The following MROH2B variants were observed in gnomAD, a reference collection of about 807,000 sequenced individuals.
The protein encoded by MROH2B is maestro heat like repeat family member 2B.
MROH2B carries 177 observed loss-of-function variants against 208.6 expected under a neutral mutation model. The ratio of observed to expected loss-of-function variants is 0.85; its 90% CI spans 0.75 to 0.96. The LOEUF (loss-of-function observed/expected upper bound fraction) is 0.96. MROH2B is among the 40% of genes least tolerant of loss of function. The pLI is 0.00. For synonymous variants in MROH2B, 728 were observed against 659.0 expected (o/e 1.10, Z -1.60); for missense variants, 2,002 against 1,878.7 (o/e 1.07, Z -1.21).
intron 37 of MROH2B, among the ~76,000 whole-genome samples, chr5:41,003,514 T>A (rs181824290): frequency 1.5e-3 from 228 of 152,306 alleles, no homozygotes; most frequent in African/African-American, 5.3e-3. Flanking sequence ...TAATATATCC[T>A]TAGATTCTAT....
intron 21 of MROH2B, among the ~76,000 whole-genome samples, chr5:41,037,307 T>C (rs1742797717): frequency 6.6e-6 from 1 of 152,214 alleles, no homozygotes; most frequent in African/African-American, 2.4e-5. Context: ...TCTCTAATGA[T>C]TGACCATAAA....
In MROH2B at chr5:41,071,015, C is replaced by T; in HGVS notation, c.-163G>A. ...CTTGATTGGCACAATGGTCTGGGAGCTTCCAGAGATGGGCTTGCTGTTGAA... is the reference window on the plus strand; with the variant it reads ...CTTGATTGGCACAATGGTCTGGGAGTTTCCAGAGATGGGCTTGCTGTTGAA... On this transcript the variant is annotated 5_prime_UTR_variant, in exon 1 of 42. Transcript: ENST00000399564. The T allele has an allele frequency of 1.6e-6, 1 of 641,288 alleles. No individual in the cohort carries two copies. Among genetic ancestry groups the T allele is most frequent in the South Asian group, 2.0e-5 (1 of 49,062 alleles). The allele number at this position is 641,288 out of a possible 1,614,324, so 39.7% of individuals were successfully genotyped here. A position where few individuals can be genotyped will look rare whatever the true frequency, so the allele number is the denominator to read the frequency against.
At chr5:41,047,073 A>T (rs1974847) in intron 17 of MROH2B, among the ~76,000 whole-genome samples, 1 of 151,708 alleles carries the variant, frequency 6.6e-6, no homozygotes, top group Admixed American at 6.6e-5. Context: ...CTTTTAATAT[A>T]GAAAACCTTC....
At position 41,055,858 on chromosome 5, in the gene MROH2B, G is replaced by T. The variant is rs1320722570; in HGVS notation, c.920-3C>A. 3.1e-6 allele frequency: 5 copies of T among 1,602,264 alleles called. No individual in the cohort carries two copies. The highest frequency in any genetic ancestry group is 3.4e-6 in the Non-Finnish European group (4 of 1,169,638). On this transcript the variant is annotated splice_region_variant and splice_polypyrimidine_tract_variant and intron_variant, in intron 9 of 41. Coordinates refer to ENST00000399564, the MANE Select transcript of MROH2B (RefSeq NM_173489.5). ...CAGCTCTCCAGGATTGGAATGGGCT[G>T]CAGGTTCAAGAAACACTAGAGCTGT...
intron 37 of MROH2B, among the ~76,000 whole-genome samples, chr5:41,002,499 CAAAG>C (rs1741428020): frequency 6.6e-6 from 1 of 152,042 alleles, no homozygotes; most frequent in African/African-American, 2.4e-5. Flanking sequence ...TTGAAAGAAA[CAAAG>C]GAAGAAAACT....
Position 41,057,097 on chromosome 5 carries a change from T to A in MROH2B, c.919+12A>T. On this transcript the variant is annotated intron_variant, in intron 9 of 41. Transcript: ENST00000399564. ...ACATTTTTATTAAAAGCCTTCTGGA[T>A]GCTGGTCCTACCTAGAATGAGAAAA... is the stretch of plus-strand genomic sequence containing the variant. 6.2e-7 allele frequency: 1 copy of A among 1,613,826 alleles called. No homozygotes were observed. Among genetic ancestry groups the A allele is most frequent in the East Asian group, 2.2e-5 (1 of 44,892 alleles).
At position 41,049,432 on chromosome 5, in the gene MROH2B, A is replaced by C. The variant is rs1743221579; in HGVS notation, c.1349T>G (p.Leu450Arg). The part of the protein sequence containing the change: ...DPLVIGMPQV[L>R]WPRILTFVVP... ...CACAAAAGTCAGGATCCTTGGCCAT[A>C]GCACCTGTGGAAAACAGGGCATGAT... Residue 450 changes from leucine to arginine, a missense_variant, in exon 14 of 42, where the codon CTA (leucine) becomes CGA (arginine). Coordinates refer to ENST00000399564, the MANE Select transcript of MROH2B (RefSeq NM_173489.5). The C allele has an allele frequency of 1.3e-5, 21 of 1,611,028 alleles. No individual in the cohort carries two copies. The highest frequency in any genetic ancestry group is 1.8e-5 in the Non-Finnish European group (21 of 1,178,958).
In MROH2B at chr5:41,053,992, T is replaced by TA. The variant is rs565044950; in HGVS notation, c.1107+774_1107+775insT. On this transcript the variant is annotated intron_variant, in intron 11 of 41. Coordinates refer to ENST00000399564, the MANE Select transcript of MROH2B (RefSeq NM_173489.5). ...ACTTCTAACATAGAACACCTTTTTTTTTTTAAAGAGAGAGTCTTACTCTGT... is the reference window on the plus strand; with the variant it reads ...ACTTCTAACATAGAACACCTTTTTTTATTTTAAAGAGAGAGTCTTACTCTGT... 2.1e-3 allele frequency among the ~76,000 whole-genome samples: 315 copies of TA among 152,282 alleles called. 2 individuals carry two copies. The highest frequency in any genetic ancestry group is 7.4e-3 in the African/African-American group (307 of 41,542).
In MROH2B at chr5:41,060,173, T is replaced by C. The variant is rs140486186; in HGVS notation, c.615+1397A>G. 1.1e-4 allele frequency among the ~76,000 whole-genome samples: 17 copies of C among 152,328 alleles called. No homozygotes were observed. In the East Asian group the frequency reaches 2.7e-3, roughly 24 times the overall value. On this transcript the variant is annotated intron_variant, in intron 6 of 41. Coordinates refer to ENST00000399564, the MANE Select transcript of MROH2B (RefSeq NM_173489.5). ...GTCCTGGTCATTCTATTCTTCAGCA[T>C]CTGACTCCTCTGATCAGTTCCACGA... is the stretch of plus-strand genomic sequence containing the variant.
chr5:41,070,275 A>G (rs938771119), intron 1 of MROH2B, among the ~76,000 whole-genome samples: 1 of 152,098 alleles, frequency 6.6e-6, no homozygotes, highest in African/African-American at 2.4e-5. Flanking sequence ...TCTGACAATG[A>G]CCTAAATGTG....
intron 38 of MROH2B, 150 bp from the exon 39 acceptor site, chr5:41,000,501 G>T: frequency 7.4e-7 from 1 of 1,348,112 alleles, no homozygotes; most frequent in Non-Finnish European, 1.0e-6. Context: ...CCAGTTTCAA[G>T]GAAGAGTAAG....
chr5:41,070,116 CA>C (rs1256382165), intron 1 of MROH2B, among the ~76,000 whole-genome samples: 1 of 152,090 alleles, frequency 6.6e-6, no homozygotes, highest in African/African-American at 2.4e-5. Context: ...CATTAGAAGG[CA>C]GGGGTGCAAC....
intron 24 of MROH2B, among the ~76,000 whole-genome samples, chr5:41,032,283 C>T (rs1305633745): frequency 6.6e-6 from 1 of 152,038 alleles, no homozygotes; most frequent in Non-Finnish European, 1.5e-5. Flanking sequence ...GAGATGCTAT[C>T]TTATTGTGGT....
intron 41 of MROH2B, among the ~76,000 whole-genome samples, 168 bp from the exon 42 acceptor site, chr5:40,998,326 A>T (rs1230024839): frequency 6.6e-6 from 1 of 152,192 alleles, no homozygotes; most frequent in Non-Finnish European, 1.5e-5. Context: ...AACTACAAGA[A>T]ATGATTTTAA....
At chr5:41,002,696 G>C (rs993987111) in intron 37 of MROH2B, among the ~76,000 whole-genome samples, 14 of 152,292 alleles carry the variant, frequency 9.2e-5, no homozygotes, top group Non-Finnish European at 1.0e-4. Context: ...CAAGGTCTGA[G>C]CTAACAATCA....
At chr5:41,011,674 T>C (rs1438997977) in intron 30 of MROH2B, among the ~76,000 whole-genome samples, 1 of 63,616 alleles carries the variant, frequency 1.6e-5, no homozygotes, top group Admixed American at 1.8e-4. Context: ...TCCTTTTTCT[T>C]TTTTTTTTTT....
chr5:41,045,492 A>T, intron 18 of MROH2B, among the ~76,000 whole-genome samples: 1 of 152,172 alleles, frequency 6.6e-6, no homozygotes, highest in Non-Finnish European at 1.5e-5. Context: ...AATATTAGTT[A>T]GGCACATATC....
At chr5:41,005,259 C>T (rs1741539871) in intron 35 of MROH2B, 1 of 536,294 alleles carries the variant, frequency 1.9e-6, no homozygotes, top group African/African-American at 1.9e-5. Flanking sequence ...GTCAGTGCTA[C>T]AATGCTTTGT....
intron 24 of MROH2B, among the ~76,000 whole-genome samples, chr5:41,020,426 C>G (rs1742107638): frequency 6.6e-6 from 1 of 152,076 alleles, no homozygotes; most frequent in Non-Finnish European, 1.5e-5. Context: ...ACATGGCAAC[C>G]TGTGCTTTCT....
Sources: gnomAD v4.1 joint callset for allele counts (sites outside exome capture counted in the v4.1 genomes callset) on GRCh38, gnomAD v4.1.1 for gene constraint, MANE v1.5 for transcripts, NCBI Gene and HGNC (gene_info 2026-07-23, HGNC 2026-07-21) for gene names.